ANKH: variants seen among roughly 807,000 people sequenced by gnomAD.
The protein encoded by ANKH is mineralization regulator ANKH.
Under a neutral mutation model 49.0 loss-of-function variants are expected in ANKH, and 15 were observed. That is an observed-to-expected ratio of 0.31 (90% CI 0.20 to 0.47). ANKH has a LOEUF of 0.47. ANKH is among the 20% of genes least tolerant of loss of function. The probability of loss-of-function intolerance (pLI) is 1.00; values close to 1 mark genes in which losing one functional copy is unlikely to be tolerated. For synonymous variants in ANKH, 273 were observed against 260.0 expected (o/e 1.05, Z -0.48); for missense variants, 429 against 652.0 (o/e 0.66, Z 3.72).
chr5:14,860,827 G>C (rs1415738750), intron 1 of ANKH, among the ~76,000 whole-genome samples: 1 of 152,112 alleles, frequency 6.6e-6, no homozygotes, highest in Non-Finnish European at 1.5e-5. Flanking sequence ...GCGATGCCCA[G>C]GCTGGAGTGC....
intron 1 of ANKH, among the ~76,000 whole-genome samples, chr5:14,821,670 A>T (rs965213914): frequency 6.6e-6 from 1 of 152,262 alleles, no homozygotes; most frequent in Non-Finnish European, 1.5e-5. Flanking sequence ...GATACAGTAA[A>T]AACAGCCTTT....
chr5:14,798,199 G>C lies in ANKH; in HGVS notation c.97-29008C>G, dbSNP rs1177992694. On this transcript the variant is annotated intron_variant, in intron 1 of 11. Transcript: ENST00000284268. Reference sequence around the variant, plus strand: ...TGTTCATCCGATGTGTGTGTCCCCAGGACAAGTCGATGAAGGCTGAAATCT... The same window carrying C: ...TGTTCATCCGATGTGTGTGTCCCCACGACAAGTCGATGAAGGCTGAAATCT... 1.3e-5 allele frequency: 21 copies of C among 1,588,704 alleles called. No homozygotes were observed. The South Asian group carries it at 2.1e-4, about 16-fold the overall frequency.
At chr5:14,803,353 C>T (rs967984812) in intron 1 of ANKH, among the ~76,000 whole-genome samples, 3 of 152,160 alleles carry the variant, frequency 2.0e-5, no homozygotes, top group Non-Finnish European at 2.9e-5. Context: ...GATCTCAGCT[C>T]ACCACAACCT....
chr5:14,842,469 GT>G (rs1561079881), intron 1 of ANKH, among the ~76,000 whole-genome samples: 2 of 152,186 alleles, frequency 1.3e-5, no homozygotes, highest in Non-Finnish European at 2.9e-5. Context: ...TGGTTACTCA[GT>G]TTTGGAGAGC....
At position 14,713,760 on chromosome 5, in the gene ANKH, G is replaced by C; in HGVS notation, c.1142-93C>G. 6.3e-7 allele frequency: 1 copy of C among 1,574,802 alleles called. No individual in the cohort carries two copies. Among genetic ancestry groups the C allele is most frequent in the Non-Finnish European group, 8.7e-7 (1 of 1,150,188 alleles). ...CCAGGGCAGCACATCCGAGAGCCAG[G>C]GGCTGCCTAGGACCCTGGCCTTGCT... On this transcript the variant is annotated intron_variant, in intron 9 of 11. Transcript: ENST00000284268. This position sits in a 1 kb window ranked among gnomAD's most constrained non-coding sequence, Gnocchi z 4.4.
intron 8 of ANKH, among the ~76,000 whole-genome samples, chr5:14,729,354 C>T (rs1307777433): frequency 6.7e-6 from 1 of 149,878 alleles, no homozygotes; most frequent in African/African-American, 2.5e-5. Flanking sequence ...CGCCCCACTA[C>T]TTTTTTTTTA....
At chr5:14,825,406 C>T (rs1741310917) in intron 1 of ANKH, among the ~76,000 whole-genome samples, 1 of 152,166 alleles carries the variant, frequency 6.6e-6, no homozygotes, top group African/African-American at 2.4e-5. Flanking sequence ...GGCTGGAGTG[C>T]AATGGCACAA....
chr5:14,865,711 T>C (rs1735624955), intron 1 of ANKH, among the ~76,000 whole-genome samples: 1 of 152,230 alleles, frequency 6.6e-6, no homozygotes, highest in African/African-American at 2.4e-5. Context: ...CTATTCCTCC[T>C]AATCGAATGA....
intron 1 of ANKH, among the ~76,000 whole-genome samples, chr5:14,859,273 T>C (rs1735405777): frequency 6.6e-6 from 1 of 152,248 alleles, no homozygotes; most frequent in Admixed American, 6.5e-5. Flanking sequence ...ATAAGACAGT[T>C]GTCTTTTTGT....
At chr5:14,790,598 G>A (rs1289205739) in intron 1 of ANKH, among the ~76,000 whole-genome samples, 1 of 152,050 alleles carries the variant, frequency 6.6e-6, no homozygotes, top group African/African-American at 2.4e-5. Flanking sequence ...AAACTGCTCC[G>A]TGGAAACCTA....
rs764392423 is a variant in ANKH, at chr5:14,705,797, C to A, written c.*5400G>T. ...TTGGTGTTGATGTGTACCCTGTACT[C>A]CTTTGTTACGCAAGGGTGGTTTGAA... On this transcript the variant is annotated 3_prime_UTR_variant, in exon 12 of 12. Transcript: ENST00000284268. The A allele has an allele frequency of 3.3e-5, 5 of 152,752 alleles. No homozygotes were observed. In the East Asian group the frequency reaches 9.7e-4, roughly 29 times the overall value. The allele number at this position is 152,752 out of a possible 1,614,324, so 9.5% of individuals were successfully genotyped here.
At position 14,718,837 on chromosome 5, in the gene ANKH, C is replaced by CA. The variant is rs1223577249; in HGVS notation, c.1012-2003_1012-2002insT. 4.3e-4 allele frequency among the ~76,000 whole-genome samples: 62 copies of CA among 145,060 alleles called. 2 individuals are homozygous for CA. Among genetic ancestry groups the CA allele is most frequent in the African/African-American group, 1.5e-3 (58 of 38,920 alleles). ...TCCATCCTCCCAACACCACCCCCCC[C>CA]CCAAAAAAAAAAGACATAGAAAAAG... is the stretch of plus-strand genomic sequence containing the variant. On this transcript the variant is annotated intron_variant, in intron 8 of 11. Coordinates refer to ENST00000284268, the MANE Select transcript of ANKH (RefSeq NM_054027.6).
intron 1 of ANKH, among the ~76,000 whole-genome samples, chr5:14,835,471 C>T (rs374944314): frequency 3.0e-4 from 46 of 152,236 alleles, no homozygotes; most frequent in African/African-American, 1.0e-3. Flanking sequence ...CATCTCAGTG[C>T]GTTCAGTGGT....
In ANKH at chr5:14,745,944, C is replaced by A; in HGVS notation, c.841G>T (p.Ala281Ser). The change falls in exon 7 of 12, where the codon GCC (alanine) becomes TCC (serine). Residue 281 changes from alanine to serine, a missense_variant. Transcript: ENST00000284268. The surrounding 1 kb of genome is among the most constrained non-coding windows in gnomAD (Gnocchi z 4.7). ...AATEAVAILT[A>S]TYPVGHMPYG... ...GGCATGTGACCCACAGGGTATGTGG[C>A]TGTCAAAATCGCCACTGCCTGCAAC... is the stretch of plus-strand genomic sequence containing the variant. 6.2e-7 allele frequency: 1 copy of A among 1,614,192 alleles called. No homozygotes were observed. Among genetic ancestry groups the A allele is most frequent in the Non-Finnish European group, 8.5e-7 (1 of 1,180,038 alleles).
chr5:14,844,590 C>A (rs771149916), intron 1 of ANKH, among the ~76,000 whole-genome samples: 1 of 152,180 alleles, frequency 6.6e-6, no homozygotes, highest in Admixed American at 6.5e-5. Flanking sequence ...GAAACAACAG[C>A]GGTCAGGGAG....
At chr5:14,779,629 T>C (rs567935668) in intron 1 of ANKH, among the ~76,000 whole-genome samples, 3 of 152,274 alleles carry the variant, frequency 2.0e-5, no homozygotes, top group African/African-American at 7.2e-5. Flanking sequence ...ACAAAACTTA[T>C]GTCTGGTCAT....
rs991205856 is a variant in ANKH at position 14,706,420 on chromosome 5, G to C, written c.*4777C>G. ...ACAGAGGTTTTTCAAAAATGATTTAGGAGGCCCACCTTTGATGCTCTTCCC... is the reference window on the plus strand; with the variant it reads ...ACAGAGGTTTTTCAAAAATGATTTACGAGGCCCACCTTTGATGCTCTTCCC... On this transcript the variant is annotated 3_prime_UTR_variant, in exon 12 of 12. Coordinates refer to ENST00000284268, the MANE Select transcript of ANKH (RefSeq NM_054027.6). 1 of 152,180 alleles carries C rather than the reference G, an allele frequency of 6.6e-6. No homozygotes were observed. The highest frequency in any genetic ancestry group is 2.4e-5 in the African/African-American group (1 of 41,448). 9.4% of individuals were successfully genotyped at this position (152,180 alleles called of 1,614,324 possible).
chr5:14,828,645 T>C (rs940819604), intron 1 of ANKH, among the ~76,000 whole-genome samples: 3 of 152,118 alleles, frequency 2.0e-5, no homozygotes, highest in Admixed American at 6.6e-5. Context: ...AATGAAACCA[T>C]CAGCAATATG....
At chr5:14,746,216 G>A (rs1451831656) in intron 6 of ANKH, among the ~76,000 whole-genome samples, 7 of 152,132 alleles carry the variant, frequency 4.6e-5, no homozygotes, top group African/African-American at 7.2e-5. Flanking sequence ...GACGTGAAAC[G>A]AGGGGGATGC....
Sources: gnomAD v4.1 joint callset for allele counts (sites outside exome capture counted in the v4.1 genomes callset) on GRCh38, gnomAD v4.1.1 for gene constraint, Gnocchi (gnomAD v3.1) non-coding constraint, MANE v1.5 for transcripts, NCBI Gene and HGNC (gene_info 2026-07-23, HGNC 2026-07-21) for gene names.